The following ARIH2 variants were observed in gnomAD, a reference collection of about 807,000 sequenced individuals.
ARIH2 encodes the protein ariadne RBR E3 ubiquitin protein ligase 2.
ARIH2 carries 12 observed loss-of-function variants against 79.8 expected under a neutral mutation model. The observed-to-expected ratio is 0.15, with a 90% CI of 0.10 to 0.24. ARIH2 has a LOEUF of 0.24. ARIH2 is among the 10% of genes least tolerant of loss of function. The pLI, the probability that ARIH2 is intolerant of heterozygous loss-of-function variation, is 1.00. For missense variants in ARIH2, 301 were observed against 618.3 expected, an observed-to-expected ratio of 0.49 and a Z score of 5.44; for synonymous variants, 224 against 213.9, an observed-to-expected ratio of 1.05 and a Z score of -0.41.
intron 3 of ARIH2, chr3:48,934,267 A>G (rs919703841): frequency 6.9e-6 from 4 of 577,056 alleles, no homozygotes; most frequent in Non-Finnish European, 6.6e-6. Context: ...CATTTTCTTA[A>G]TTGGTACTAA....
intron 3 of ARIH2, among the ~76,000 whole-genome samples, chr3:48,929,251 T>C (rs570097027): frequency 3.1e-4 from 47 of 152,274 alleles, no homozygotes; most frequent in East Asian, 1.4e-3. Flanking sequence ...ATTCTCAGAT[T>C]GTCAAGCCTC....
At chr3:48,933,023 CT>C (rs372987419) in intron 3 of ARIH2, among the ~76,000 whole-genome samples, 10 of 152,294 alleles carry the variant, frequency 6.6e-5, no homozygotes, top group African/African-American at 2.4e-4. Flanking sequence ...CCTCAAGCAT[CT>C]TTGCTGTTGG....
chr3:48,952,542 A>G (rs1272118933), intron 3 of ARIH2, among the ~76,000 whole-genome samples: 3 of 152,170 alleles, frequency 2.0e-5, no homozygotes, highest in Non-Finnish European at 2.9e-5. Flanking sequence ...ATGCCTTTCC[A>G]TGTGAGTGAG....
rs532105236 is a variant in ARIH2 at position 48,982,616 on chromosome 3, T to C, written c.1327-280T>C. ...CATCCATTCCCTTTCATGTTGGGAG[T>C]GTTCTCTTTAGTGGCTTAAATTCTT... On this transcript the variant is annotated intron_variant, in intron 14 of 15. Coordinates refer to ENST00000356401, the MANE Select transcript of ARIH2 (RefSeq NM_006321.4). 430 of 355,324 alleles carry C rather than the reference T, an allele frequency of 1.2e-3. 3 individuals carry two copies. Among genetic ancestry groups the C allele is most frequent in the African/African-American group, 8.2e-3 (391 of 47,842 alleles). 22.0% of individuals were successfully genotyped at this position (355,324 alleles called of 1,614,324 possible). A position where few individuals can be genotyped will look rare whatever the true frequency, so the allele number is the denominator to read the frequency against.
At chr3:48,972,958 T>C (rs896593203) in intron 8 of ARIH2, among the ~76,000 whole-genome samples, 5 of 152,134 alleles carry the variant, frequency 3.3e-5, no homozygotes, top group Admixed American at 1.3e-4. Flanking sequence ...CAAGCAGTCC[T>C]CCCATCTCAA....
At chr3:48,947,268 C>A (rs1330503662) in intron 3 of ARIH2, among the ~76,000 whole-genome samples, 1 of 152,022 alleles carries the variant, frequency 6.6e-6, no homozygotes, top group Non-Finnish European at 1.5e-5. Flanking sequence ...TGGAGATAAC[C>A]TCATCTCTAC....
At chr3:48,979,915 T>A in intron 12 of ARIH2, 1 of 176,332 alleles carries the variant, frequency 5.7e-6, no homozygotes, top group Non-Finnish European at 1.2e-5. Flanking sequence ...TAGTACCATC[T>A]TTTTTTTTTT....
At chr3:48,976,997 G>A (rs2092542307) in intron 11 of ARIH2, among the ~76,000 whole-genome samples, 1 of 151,942 alleles carries the variant, frequency 6.6e-6, no homozygotes, top group Non-Finnish European at 1.5e-5. Flanking sequence ...TCAGGAGATC[G>A]AGACCATCCT....
intron 3 of ARIH2, among the ~76,000 whole-genome samples, chr3:48,950,353 A>T: frequency 1.3e-5 from 2 of 150,184 alleles, no homozygotes; most frequent in African/African-American, 2.5e-5. Flanking sequence ...CTACTTTTCC[A>T]TTTTCTAAAT....
At chr3:48,970,917 A>C (rs1257467907) in intron 8 of ARIH2, 2 of 456,274 alleles carry the variant, frequency 4.4e-6, no homozygotes, top group African/African-American at 4.0e-5. Context: ...GAAGTGACAC[A>C]GGTTCTTGGA....
chr3:48,944,525 T>C (rs969847499), intron 3 of ARIH2, among the ~76,000 whole-genome samples: 2 of 152,162 alleles, frequency 1.3e-5, no homozygotes, highest in African/African-American at 4.8e-5. Context: ...CAGTTACAAG[T>C]CAACCCTCCT....
At chr3:48,953,191 A>G (rs1322982243) in intron 3 of ARIH2, among the ~76,000 whole-genome samples, 1 of 152,132 alleles carries the variant, frequency 6.6e-6, no homozygotes, top group African/African-American at 2.4e-5. Flanking sequence ...CGGCCTCCCA[A>G]AGTGCTGGCA....
chr3:48,931,098 T>A (rs1486616144), intron 3 of ARIH2, among the ~76,000 whole-genome samples: 2 of 152,068 alleles, frequency 1.3e-5, no homozygotes, highest in African/African-American at 2.4e-5. Context: ...TAAAAAAAAA[T>A]TTTTTTAGAG....
rs938183225 is a variant in ARIH2 at position 48,944,408 on chromosome 3, A to T, written c.255+16595A>T. The stretch of plus-strand genomic sequence containing the variant: ...GGTTTTTTTGGTATTGATTTTAATG[A>T]TTGGAGTCCATAGCAATTAGAACTG... On this transcript the variant is annotated intron_variant, in intron 3 of 15. Coordinates refer to ENST00000356401, the MANE Select transcript of ARIH2 (RefSeq NM_006321.4). Among the ~76,000 whole-genome samples the T allele has an allele frequency of 3.3e-5, 5 of 152,160 alleles. No individual in the cohort carries two copies. The East Asian group carries it at 9.6e-4, about 29-fold the overall frequency.
intron 2 of ARIH2, among the ~76,000 whole-genome samples, chr3:48,926,310 C>G (rs2085599791): frequency 6.6e-6 from 1 of 151,800 alleles, no homozygotes; most frequent in Non-Finnish European, 1.5e-5. Context: ...TTTTATTGCC[C>G]AGGCTGGAGT....
At chr3:48,925,879 A>G (rs918495457) in intron 2 of ARIH2, among the ~76,000 whole-genome samples, 8 of 151,760 alleles carry the variant, frequency 5.3e-5, no homozygotes, top group African/African-American at 1.9e-4. Flanking sequence ...ACCACCACGT[A>G]TAGCTAATTT....
Position 48,983,597 on chromosome 3 carries a change from AC to A in ARIH2, c.*328del. On this transcript the variant is annotated 3_prime_UTR_variant, in exon 16 of 16. Transcript: ENST00000356401. ...AACTTATGTAACTTTCAAAGGTTGT[AC>A]AATTATACAAAAAAAAAAAAAAGGC... 4.7e-6 allele frequency: 1 copy of A among 212,676 alleles called. No homozygotes were observed. Among genetic ancestry groups the A allele is most frequent in the Non-Finnish European group, 8.5e-6 (1 of 117,328 alleles). 13.2% of individuals were successfully genotyped at this position (212,676 alleles called of 1,614,324 possible).
chr3:48,949,561 AT>A (rs1354592434), intron 3 of ARIH2, among the ~76,000 whole-genome samples: 1 of 152,172 alleles, frequency 6.6e-6, no homozygotes, highest in Admixed American at 6.5e-5. Flanking sequence ...TGAGTGTGTA[AT>A]ACCTTGTGGT....
intron 8 of ARIH2, among the ~76,000 whole-genome samples, chr3:48,972,571 G>C (rs533538974): frequency 6.6e-6 from 1 of 152,276 alleles, no homozygotes; most frequent in Non-Finnish European, 1.5e-5. Flanking sequence ...TTGAACCAGG[G>C]AGGCAGAGGC....
Sources: allele counts gnomAD v4.1 joint callset (sites outside exome capture counted in the v4.1 genomes callset), GRCh38; gene constraint gnomAD v4.1.1; transcripts MANE v1.5; gene names NCBI Gene and HGNC (gene_info 2026-07-23, HGNC 2026-07-21).